The following CTNND2 variants were observed in gnomAD, a reference collection of about 807,000 sequenced individuals.
CTNND2 encodes the protein catenin delta 2.
CTNND2 carries 22 observed loss-of-function variants against 144.4 expected under a neutral mutation model. The observed-to-expected ratio is 0.15, with a 90% CI of 0.11 to 0.22. The LOEUF is 0.22. Ranked by LOEUF, CTNND2 falls within the 10% of genes least tolerant of loss-of-function variation. The probability of loss-of-function intolerance (pLI) is 1.00; values close to 1 mark genes in which losing one functional copy is unlikely to be tolerated. For synonymous variants in CTNND2, 751 were observed against 695.6 expected (o/e 1.08, Z -1.25); for missense variants, 1,353 against 1,618.8 (o/e 0.84, Z 2.82).
chr5:11,045,733 T>C (rs796169775), intron 16 of CTNND2, among the ~76,000 whole-genome samples: 10 of 152,298 alleles, frequency 6.6e-5, no homozygotes, highest in African/African-American at 2.4e-4. Context: ...AACTTAATTG[T>C]ATCTGCAAAT....
chr5:11,806,680 G>A (rs746021775), intron 1 of CTNND2, among the ~76,000 whole-genome samples: 1 of 151,998 alleles, frequency 6.6e-6, no homozygotes, highest in South Asian at 2.1e-4. Flanking sequence ...ACACATCAGG[G>A]TTGTAACAGC....
intron 10 of CTNND2, among the ~76,000 whole-genome samples, chr5:11,206,548 G>C (rs957256348): frequency 6.6e-6 from 1 of 152,120 alleles, no homozygotes; most frequent in Non-Finnish European, 1.5e-5. Context: ...TGTAAATTTT[G>C]AGCTGTCCTT....
chr5:11,203,655 G>T (rs763066241), intron 10 of CTNND2, among the ~76,000 whole-genome samples: 1 of 152,166 alleles, frequency 6.6e-6, no homozygotes, highest in Non-Finnish European at 1.5e-5. Flanking sequence ...GATTACAGGC[G>T]TGAGCCACTG....
At chr5:11,682,166 G>A (rs951144389) in intron 2 of CTNND2, among the ~76,000 whole-genome samples, 1 of 152,260 alleles carries the variant, frequency 6.6e-6, no homozygotes, top group African/African-American at 2.4e-5. Context: ...ATGCATCGGC[G>A]GCACACTGGT....
chr5:11,146,604 G>A (rs1757267451), intron 12 of CTNND2, among the ~76,000 whole-genome samples: 1 of 152,190 alleles, frequency 6.6e-6, no homozygotes, highest in African/African-American at 2.4e-5. Context: ...CAAAGCACTA[G>A]AGTGATATTA....
chr5:11,421,082 T>C (rs116745181), intron 3 of CTNND2, among the ~76,000 whole-genome samples: 3,492 of 152,160 alleles, frequency 0.023, 138 homozygotes, highest in African/African-American at 0.081. Context: ...GGAACCAATA[T>C]AGCAGCTCGT....
At chr5:11,216,580 CA>C (rs1399888489) in intron 10 of CTNND2, among the ~76,000 whole-genome samples, 1 of 152,218 alleles carries the variant, frequency 6.6e-6, no homozygotes, top group East Asian at 1.9e-4. Flanking sequence ...GAAAGGAACA[CA>C]AACCTGCCAA....
chr5:11,006,491 C>T (rs1431187656), intron 18 of CTNND2, among the ~76,000 whole-genome samples: 1 of 152,248 alleles, frequency 6.6e-6, no homozygotes, highest in African/African-American at 2.4e-5. Flanking sequence ...GACCCATCTA[C>T]TTGAACACCT....
chr5:11,340,219 C>T (rs754956693), intron 9 of CTNND2, among the ~76,000 whole-genome samples: 1 of 152,206 alleles, frequency 6.6e-6, no homozygotes, highest in Admixed American at 6.5e-5. Context: ...CACCTCCTCC[C>T]GCGGTACCGC....
chr5:11,395,507 C>T (rs376706348), intron 6 of CTNND2, among the ~76,000 whole-genome samples: 18 of 152,190 alleles, frequency 1.2e-4, no homozygotes, highest in East Asian at 3.8e-4. Flanking sequence ...TTACATTTAT[C>T]GATGTCTTCA....
At chr5:11,792,963 T>C (rs943800295) in intron 1 of CTNND2, among the ~76,000 whole-genome samples, 1 of 152,186 alleles carries the variant, frequency 6.6e-6, no homozygotes, top group African/African-American at 2.4e-5. Context: ...TACAGAACTC[T>C]CTAATACATA....
At chr5:11,099,808 A>T (rs993653243) in intron 14 of CTNND2, among the ~76,000 whole-genome samples, 9 of 152,232 alleles carry the variant, frequency 5.9e-5, no homozygotes, top group Non-Finnish European at 1.0e-4. Flanking sequence ...AGAAAAAAAT[A>T]CACATATTCA....
intron 9 of CTNND2, among the ~76,000 whole-genome samples, chr5:11,237,367 T>G (rs929002887): frequency 1.3e-5 from 2 of 152,250 alleles, no homozygotes; most frequent in Non-Finnish European, 2.9e-5. Context: ...ATATTGGTTT[T>G]ATAGATTATA....
At chr5:11,117,304 G>C in intron 13 of CTNND2, 146 bp downstream of exon 13, 1 of 665,630 alleles carries the variant, frequency 1.5e-6, no homozygotes, top group East Asian at 2.5e-5. Flanking sequence ...CAGTCTAAAA[G>C]TGTTGGATTC....
intron 1 of CTNND2, among the ~76,000 whole-genome samples, chr5:11,894,969 A>T (rs1031203370): frequency 5.3e-5 from 8 of 152,170 alleles, no homozygotes; most frequent in African/African-American, 1.9e-4. Context: ...ATAGATTACC[A>T]GTATGGGGTG....
chr5:11,019,878 A>G (rs1284299541), intron 17 of CTNND2, among the ~76,000 whole-genome samples: 1 of 152,214 alleles, frequency 6.6e-6, no homozygotes, highest in Non-Finnish European at 1.5e-5. Context: ...AAAAAACCAA[A>G]TGTATTCTTG....
At chr5:11,741,473 A>G (rs1788002049) in intron 1 of CTNND2, among the ~76,000 whole-genome samples, 1 of 152,264 alleles carries the variant, frequency 6.6e-6, no homozygotes, top group East Asian at 1.9e-4. Flanking sequence ...CAAGAACAGA[A>G]AAGCAAACAC....
chr5:11,096,611 T>A (rs1751374556), intron 15 of CTNND2, among the ~76,000 whole-genome samples: 1 of 152,324 alleles, frequency 6.6e-6, no homozygotes, highest in East Asian at 1.9e-4. Flanking sequence ...TTTGAACATA[T>A]GGAATATAGA....
chr5:11,487,487 C>T (rs1252860466), intron 3 of CTNND2, among the ~76,000 whole-genome samples: 1 of 152,012 alleles, frequency 6.6e-6, no homozygotes, highest in Non-Finnish European at 1.5e-5. Context: ...ATCACATGAA[C>T]AGCCCAGTGA....
Sources: gnomAD v4.1 joint callset for allele counts (sites outside exome capture counted in the v4.1 genomes callset) on GRCh38, gnomAD v4.1.1 for gene constraint, MANE v1.5 for transcripts, NCBI Gene and HGNC (gene_info 2026-07-23, HGNC 2026-07-21) for gene names.